ZNF184: variants seen among roughly 807,000 people sequenced by gnomAD.
ZNF184 encodes zinc finger protein 184.
In ZNF184, 16 loss-of-function variants were observed where a neutral mutation model predicts 54.4. That is an observed-to-expected ratio of 0.29 (90% CI 0.20 to 0.45). ZNF184 has a LOEUF of 0.45. Among genes scored for constraint, ZNF184 ranks in the 20% least tolerant of loss-of-function variants. The pLI is 1.00. For missense variants in ZNF184, 681 were observed against 888.2 expected (o/e 0.77, Z 2.97); for synonymous variants, 254 against 295.3 (o/e 0.86, Z 1.43).
the ZNF184 span, among the ~76,000 whole-genome samples, chr6:27,423,682 T>C: frequency 6.6e-6 from 1 of 152,236 alleles, no homozygotes; most frequent in East Asian, 1.9e-4. Flanking sequence ...CCTGGGCATG[T>C]TAGTATATAC....
chr6:27,419,446 A>G, the ZNF184 span, among the ~76,000 whole-genome samples: 2 of 152,122 alleles, frequency 1.3e-5, no homozygotes, highest in African/African-American at 4.8e-5. The surrounding 1 kb of genome is among the most constrained non-coding windows in gnomAD (Gnocchi z 4.8). Flanking sequence ...TTATCTTCCT[A>G]AGATTTGAAG....
chr6:27,447,273 C>T (rs1022377189), downstream of ZNF184, among the ~76,000 whole-genome samples: 18 of 151,870 alleles, frequency 1.2e-4, no homozygotes, highest in East Asian at 2.9e-3. Flanking sequence ...TGGGGCTACT[C>T]GGATGGAATG....
intron 3 of ZNF184, among the ~76,000 whole-genome samples, chr6:27,464,146 ATCAC>A (rs1449177124): frequency 6.6e-6 from 1 of 152,226 alleles, no homozygotes; most frequent in Non-Finnish European, 1.5e-5. Flanking sequence ...GGGGAGCAAA[ATCAC>A]TCACGATTGT....
the ZNF184 span, among the ~76,000 whole-genome samples, chr6:27,433,781 A>G: frequency 6.6e-6 from 1 of 152,222 alleles, no homozygotes; most frequent in African/African-American, 2.4e-5. Flanking sequence ...GCTATCATAA[A>G]TAATGCTGTT....
intron 3 of ZNF184, among the ~76,000 whole-genome samples, chr6:27,461,053 C>A (rs1401306919): frequency 6.6e-6 from 1 of 152,176 alleles, no homozygotes; most frequent in Non-Finnish European, 1.5e-5. Context: ...ACCAAACTGT[C>A]AACATCGTTT....
chr6:27,441,345 A>G, the ZNF184 span, among the ~76,000 whole-genome samples: 1 of 152,168 alleles, frequency 6.6e-6, no homozygotes, highest in Non-Finnish European at 1.5e-5. Context: ...CCTCCCGAGT[A>G]TCTGGGACTA....
intron 2 of ZNF184, among the ~76,000 whole-genome samples, chr6:27,470,913 T>A (rs183531928): frequency 3.2e-3 from 487 of 152,220 alleles, no homozygotes; most frequent in Non-Finnish European, 4.2e-3. Context: ...AGAATATATA[T>A]ATAAAAAAAT....
At chr6:27,410,597 T>G in the ZNF184 span, among the ~76,000 whole-genome samples, 7 of 152,148 alleles carry the variant, frequency 4.6e-5, no homozygotes, top group African/African-American at 9.7e-5. Flanking sequence ...AGTGGTGCGA[T>G]CTCAGCTCAC....
chr6:27,443,678 T>G, the ZNF184 span, among the ~76,000 whole-genome samples: 1 of 152,148 alleles, frequency 6.6e-6, no homozygotes, highest in Admixed American at 6.5e-5. Flanking sequence ...TCTTTTCAAC[T>G]TACTCTCCTC....
rs868406086 is a variant in ZNF184 at position 27,452,197 on chromosome 6, A to G, written c.1362T>C (p.Ser454=). 6.2e-7 allele frequency: 1 copy of G among 1,613,792 alleles called. No homozygotes were observed. Among genetic ancestry groups the G allele is most frequent in the Non-Finnish European group, 8.5e-7 (1 of 1,179,926 alleles). ...GAGCAAGGGATGACCAGTAACTAAA[A>G]GATTTTCCACATTCTGCACAATCAT... The part of the protein sequence containing the change: ...KPYDCAECGK[S]FSYWSSLAQH... Residue 454 remains serine (S), a synonymous_variant, in exon 6 of 6, where the codon TCT becomes TCC. Transcript: ENST00000683788. The surrounding 1 kb of genome is among the most constrained non-coding windows in gnomAD (Gnocchi z 5.5).
chr6:27,419,732 T>C, the ZNF184 span, among the ~76,000 whole-genome samples: 1 of 152,172 alleles, frequency 6.6e-6, no homozygotes, highest in Non-Finnish European at 1.5e-5. The surrounding 1 kb of genome is among the most constrained non-coding windows in gnomAD (Gnocchi z 4.8). Context: ...AAAATATATG[T>C]AAAATCTGAC....
At chr6:27,422,150 A>G in the ZNF184 span, among the ~76,000 whole-genome samples, 1 of 33,170 alleles carries the variant, frequency 3.0e-5, no homozygotes, top group African/African-American at 9.1e-5. Flanking sequence ...CAAAAAAAAA[A>G]AGAAAGAAAG....
chr6:27,459,609 A>T lies in ZNF184; in HGVS notation c.76-2200T>A, dbSNP rs187627644. ...CAATCTATCTGGGGGGCAATCTGAC[A>T]AGATCTATCAAAACTTTAATGGATA... On this transcript the variant is annotated intron_variant, in intron 3 of 5. Transcript: ENST00000683788. 5.3e-5 allele frequency among the ~76,000 whole-genome samples: 8 copies of T among 152,322 alleles called. No individual in the cohort carries two copies. The East Asian group carries it at 1.5e-3, about 29-fold the overall frequency.
chr6:27,436,740 ATG>A, the ZNF184 span, among the ~76,000 whole-genome samples: 1 of 152,202 alleles, frequency 6.6e-6, no homozygotes, highest in Admixed American at 6.5e-5. Flanking sequence ...TTATATATGT[ATG>A]TGTCACTTGA....
At chr6:27,414,047 T>G in the ZNF184 span, among the ~76,000 whole-genome samples, 3 of 152,174 alleles carry the variant, frequency 2.0e-5, no homozygotes, top group Non-Finnish European at 4.4e-5. Flanking sequence ...ATTGATAATT[T>G]CCTCACAACT....
the ZNF184 span, chr6:27,406,080 T>C: frequency 6.6e-6 from 1 of 152,134 alleles, no homozygotes; most frequent in Non-Finnish European, 1.5e-5. Flanking sequence ...AAGAAAATGA[T>C]ATATAATGGG....
Position 27,451,751 on chromosome 6 carries a change from T to C in ZNF184, c.1808A>G (p.Gln603Arg). Reference protein sequence around the residue: ...RAFNQNIHLTQHKRIHTGAKP... With the variant: ...RAFNQNIHLTRHKRIHTGAKP... ...GGCTCCTGTATGAATTCTCTTATGC[T>C]GTGTAAGGTGTATGTTCTGGTTGAA... The change falls in exon 6 of 6, where the codon CAG becomes CGG. Residue 603 changes from glutamine (Q) to arginine (R), a missense_variant. Gln to Arg is a conservative substitution (Grantham distance 43). Coordinates refer to ENST00000683788, the MANE Select transcript of ZNF184 (RefSeq NM_001318891.2). 1 of 1,613,980 alleles carries C rather than the reference T, an allele frequency of 6.2e-7. No homozygotes were observed. The highest frequency in any genetic ancestry group is 8.5e-7 in the Non-Finnish European group (1 of 1,179,932).
Position 27,467,458 on chromosome 6 carries a change from G to T in ZNF184, c.75+395C>A, listed in dbSNP as rs138350597. On this transcript the variant is annotated intron_variant, in intron 3 of 5. Coordinates refer to ENST00000683788, the MANE Select transcript of ZNF184 (RefSeq NM_001318891.2). The stretch of plus-strand genomic sequence containing the variant: ...AAAATACAAAAAATTAGCCAGGCGT[G>T]GTAGTGTGGGCCTGTAGTCCCAGCT... 2.6e-4 allele frequency among the ~76,000 whole-genome samples: 39 copies of T among 152,226 alleles called. No homozygotes were observed. In the East Asian group the frequency reaches 6.9e-3, roughly 27 times the overall value.
chr6:27,442,390 C>T, the ZNF184 span, among the ~76,000 whole-genome samples: 12 of 152,008 alleles, frequency 7.9e-5, no homozygotes, highest in South Asian at 1.9e-3. Context: ...GAGGCCAAGG[C>T]GGGAGGATTA....
Sources: allele counts gnomAD v4.1 joint callset (sites outside exome capture counted in the v4.1 genomes callset), GRCh38; gene constraint gnomAD v4.1.1; non-coding constraint Gnocchi (gnomAD v3.1); transcripts MANE v1.5; gene names NCBI Gene and HGNC (gene_info 2026-07-23, HGNC 2026-07-21).